RBFOX1: variants seen among roughly 807,000 people sequenced by gnomAD.
RBFOX1 encodes the protein RNA binding protein fox-1 homolog 1.
In RBFOX1, 8 loss-of-function variants were observed where a neutral mutation model predicts 57.7. The ratio of observed to expected loss-of-function variants is 0.14; its 90% confidence interval spans 0.08 to 0.25. The LOEUF (loss-of-function observed/expected upper bound fraction) is 0.25, where lower values mean the gene tolerates loss of function less well. Among genes scored for constraint, RBFOX1 ranks in the 10% least tolerant of loss-of-function variants. The pLI is 1.00. For synonymous variants in RBFOX1, 326 were observed against 222.4 expected (o/e 1.47, Z -4.15); for missense variants, 611 against 548.5 (o/e 1.11, Z -1.14).
At chr16:6,215,843 A>G (rs1196791612) in intron 1 of RBFOX1, among the ~76,000 whole-genome samples, 1 of 152,178 alleles carries the variant, frequency 6.6e-6, no homozygotes, top group Non-Finnish European at 1.5e-5. Context: ...GAATGTGTTT[A>G]TAACCCAGTA....
chr16:5,801,953 G>T (rs1238246914), intron 3 of RBFOX1, among the ~76,000 whole-genome samples: 2 of 152,146 alleles, frequency 1.3e-5, no homozygotes, highest in Admixed American at 1.3e-4. Flanking sequence ...AGGGTTGGAC[G>T]TGTGTGCTTT....
intron 2 of RBFOX1, among the ~76,000 whole-genome samples, chr16:5,479,964 GCCCAGC>G (rs1457335404): frequency 6.6e-6 from 1 of 152,048 alleles, no homozygotes; most frequent in Non-Finnish European, 1.5e-5. Context: ...CCACCCTCCA[GCCCAGC>G]CCACAGGAGG....
At chr16:6,193,537 C>G (rs1023432759) in intron 1 of RBFOX1, among the ~76,000 whole-genome samples, 1 of 149,590 alleles carries the variant, frequency 6.7e-6, no homozygotes, top group Non-Finnish European at 1.5e-5. Context: ...CCCTGGGAAC[C>G]TCGGTTTCAT....
intron 3 of RBFOX1, among the ~76,000 whole-genome samples, chr16:5,742,352 T>A (rs1056812884): frequency 3.0e-5 from 3 of 98,666 alleles, no homozygotes; most frequent in Non-Finnish European, 6.7e-5. Context: ...TAACTTTCCT[T>A]CCTTCCTTCC....
chr16:6,345,423 C>G (rs1413587343), intron 2 of RBFOX1, among the ~76,000 whole-genome samples: 1 of 152,170 alleles, frequency 6.6e-6, no homozygotes, highest in African/African-American at 2.4e-5. Context: ...GTGGTCATTT[C>G]CAGGTGTTGC....
At chr16:6,600,083 A>G (rs1220655419) in intron 2 of RBFOX1, among the ~76,000 whole-genome samples, 1 of 152,208 alleles carries the variant, frequency 6.6e-6, no homozygotes, top group East Asian at 1.9e-4. Context: ...GGGTTAGGGA[A>G]GCATTCATGG....
At chr16:6,832,504 C>T (rs2092779448) in intron 3 of RBFOX1, among the ~76,000 whole-genome samples, 1 of 152,182 alleles carries the variant, frequency 6.6e-6, no homozygotes, top group Admixed American at 6.5e-5. Context: ...TGGGTATTAT[C>T]TTGAGATGCT....
chr16:6,518,918 G>A (rs995233744), intron 2 of RBFOX1, among the ~76,000 whole-genome samples: 58 of 152,112 alleles, frequency 3.8e-4, no homozygotes, highest in African/African-American at 1.3e-3. Flanking sequence ...ATAGCATTTG[G>A]TCAGAGTTCA....
At chr16:6,547,197 C>G (rs1033498435) in intron 2 of RBFOX1, among the ~76,000 whole-genome samples, 1 of 152,144 alleles carries the variant, frequency 6.6e-6, no homozygotes, top group African/African-American at 2.4e-5. Context: ...AAATGCTCTT[C>G]CCCCAGAATA....
At chr16:6,733,529 C>G (rs1048986618) in intron 3 of RBFOX1, among the ~76,000 whole-genome samples, 9 of 152,156 alleles carry the variant, frequency 5.9e-5, no homozygotes, top group South Asian at 2.1e-4. Flanking sequence ...TTATAATGAA[C>G]CATTTAATAA....
chr16:6,844,391 A>T (rs2093650563), intron 3 of RBFOX1, among the ~76,000 whole-genome samples: 1 of 151,980 alleles, frequency 6.6e-6, no homozygotes, highest in Admixed American at 6.6e-5. Flanking sequence ...GTTCTCTCCC[A>T]TGTGCCCATG....
chr16:5,459,844 A>C (rs1023184318), intron 1 of RBFOX1, among the ~76,000 whole-genome samples: 2 of 152,076 alleles, frequency 1.3e-5, no homozygotes, highest in East Asian at 3.9e-4. Context: ...TGAGATTAAC[A>C]GCTCCAAAAT....
chr16:6,270,838 A>G (rs879817368), intron 1 of RBFOX1, among the ~76,000 whole-genome samples: 6 of 152,210 alleles, frequency 3.9e-5, no homozygotes, highest in Non-Finnish European at 7.4e-5. Context: ...AAAATAATTG[A>G]AATGATACAG....
intron 3 of RBFOX1, among the ~76,000 whole-genome samples, chr16:5,613,372 C>G (rs112750561): frequency 6.6e-6 from 1 of 152,102 alleles, no homozygotes; most frequent in African/African-American, 2.4e-5. Context: ...AGACATATTT[C>G]TGTACGTGGG....
chr16:5,383,290 G>A (rs1219154132), intron 1 of RBFOX1, among the ~76,000 whole-genome samples: 1 of 152,182 alleles, frequency 6.6e-6, no homozygotes, highest in Non-Finnish European at 1.5e-5. Context: ...TGGGGAAAAG[G>A]TGGGCTGTGG....
At chr16:7,693,939 AC>A (rs1012366379) in intron 14 of RBFOX1, among the ~76,000 whole-genome samples, 14 of 152,294 alleles carry the variant, frequency 9.2e-5, no homozygotes, top group African/African-American at 2.9e-4. Context: ...ACTTAGAGAG[AC>A]CAGGTCTTTT....
chr16:5,752,308 C>T (rs185776601), intron 3 of RBFOX1, among the ~76,000 whole-genome samples: 6 of 152,202 alleles, frequency 3.9e-5, no homozygotes, highest in Admixed American at 2.6e-4. Flanking sequence ...GAGAGAGGAT[C>T]AGGAAAAACA....
At chr16:6,612,956 C>T (rs559933437) in intron 2 of RBFOX1, among the ~76,000 whole-genome samples, 32 of 151,614 alleles carry the variant, frequency 2.1e-4, no homozygotes, top group Admixed American at 9.2e-4. Context: ...ACAAAGCCCC[C>T]GTACAGTTCA....
At chr16:6,129,727 C>T (rs1443166416) in intron 1 of RBFOX1, among the ~76,000 whole-genome samples, 2 of 140,200 alleles carry the variant, frequency 1.4e-5, no homozygotes, top group Admixed American at 7.2e-5. Flanking sequence ...GAACTAAACT[C>T]AGACATCAGT....
Sources: allele counts gnomAD v4.1 joint callset (sites outside exome capture counted in the v4.1 genomes callset), GRCh38; gene constraint gnomAD v4.1.1; transcripts MANE v1.5; gene names NCBI Gene and HGNC (gene_info 2026-07-23, HGNC 2026-07-21).